The following PTPN4 variants were observed in gnomAD, a reference collection of about 807,000 sequenced individuals.
The protein encoded by PTPN4 is protein tyrosine phosphatase non-receptor type 4.
PTPN4 carries 49 observed loss-of-function variants against 135.5 expected under a neutral mutation model. The observed-to-expected ratio is 0.36, with a 90% CI of 0.29 to 0.46. The LOEUF is 0.46. Ranked by LOEUF, PTPN4 falls within the 20% of genes least tolerant of loss-of-function variation. The probability of loss-of-function intolerance (pLI) is 1.00; values close to 1 mark genes in which losing one functional copy is unlikely to be tolerated. For synonymous variants in PTPN4, 333 were observed against 369.9 expected (o/e 0.90, Z 1.14); for missense variants, 860 against 1,101.0 (o/e 0.78, Z 3.10).
At chr2:119,930,595 T>C (rs1678890122) in intron 13 of PTPN4, among the ~76,000 whole-genome samples, 2 of 152,196 alleles carry the variant, frequency 1.3e-5, no homozygotes, top group African/African-American at 4.8e-5. Flanking sequence ...ATTATTTTAA[T>C]GCTTCCTACT....
At chr2:119,885,323 T>G (rs1442133413) in intron 8 of PTPN4, among the ~76,000 whole-genome samples, 3 of 152,162 alleles carry the variant, frequency 2.0e-5, no homozygotes, top group Non-Finnish European at 4.4e-5. Context: ...CCCAGGCAGA[T>G]TGCTATACAA....
Position 119,941,412 on chromosome 2 carries a change from A to AGAGT in PTPN4, c.1356-3668_1356-3667insAGTG, listed in dbSNP as rs138978342. ...CCTTGATTACTTTTATAGACTTCAG[A>AGAGT]GTGTGTGTGTGTGTGTGTGTGTGTG... On this transcript the variant is annotated intron_variant, in intron 15 of 26. Transcript: ENST00000263708. Among the ~76,000 whole-genome samples, 26 of 148,844 alleles carry AGAGT rather than the reference A, an allele frequency of 1.7e-4. No homozygotes were observed. In the East Asian group the frequency reaches 5.0e-3, roughly 28 times the overall value.
At chr2:119,763,738 A>G (rs943542077) in intron 1 of PTPN4, among the ~76,000 whole-genome samples, 4 of 152,218 alleles carry the variant, frequency 2.6e-5, no homozygotes, top group African/African-American at 7.2e-5. Flanking sequence ...ATGTGTGGCT[A>G]TGGAGCACTT....
At chr2:119,774,973 C>T (rs921842380) in intron 1 of PTPN4, among the ~76,000 whole-genome samples, 5 of 150,870 alleles carry the variant, frequency 3.3e-5, no homozygotes, top group Admixed American at 2.6e-4. Context: ...GCCAATATCG[C>T]GCCACTGCAC....
intron 14 of PTPN4, among the ~76,000 whole-genome samples, chr2:119,933,495 A>G (rs1170514827): frequency 1.3e-5 from 2 of 152,046 alleles, no homozygotes; most frequent in South Asian, 2.1e-4. Context: ...CCTGGTGAAC[A>G]TAGTGAAACC....
chr2:119,853,847 A>C (rs185030243), intron 2 of PTPN4, among the ~76,000 whole-genome samples: 1 of 152,250 alleles, frequency 6.6e-6, no homozygotes, highest in East Asian at 1.9e-4. Context: ...TCTGATGACT[A>C]GAGGAACACC....
At position 119,881,827 on chromosome 2, in the gene PTPN4, G is replaced by C; in HGVS notation, c.410G>C (p.Gly137Ala). ...CAAATTAAACAAGACATTCTTACTGGAAGGTGGGCTCTTTAAATTTCTTAA... is the reference window on the plus strand; with the variant it reads ...CAAATTAAACAAGACATTCTTACTGCAAGGTGGGCTCTTTAAATTTCTTAA... ...FLQIKQDILT[G>A]RLPCPSNTAA... The change falls in exon 6 of 27, where the codon GGA becomes GCA. Residue 137 changes from glycine (G) to alanine (A), a missense_variant. Physicochemically the swap from Gly to Ala is moderately conservative, Grantham distance 60. Transcript: ENST00000263708. The C allele has an allele frequency of 6.4e-7, 1 of 1,559,476 alleles. No individual in the cohort carries two copies. Among genetic ancestry groups the C allele is most frequent in the Non-Finnish European group, 8.8e-7 (1 of 1,140,510 alleles).
At chr2:119,788,088 T>A (rs144798580) in intron 1 of PTPN4, among the ~76,000 whole-genome samples, 2,464 of 152,276 alleles carry the variant, frequency 0.016, 33 homozygotes, top group Non-Finnish European at 0.028. Flanking sequence ...TTGGTTTATT[T>A]AAAAATTTAC....
At chr2:119,962,494 T>C (rs908354232) in intron 23 of PTPN4, 122 bp from the exon 24 acceptor site, 2 of 567,190 alleles carry the variant, frequency 3.5e-6, no homozygotes, top group African/African-American at 4.0e-5. Flanking sequence ...AGATGAAATT[T>C]ATTAAATTTT....
At chr2:119,782,234 T>C (rs1455809314) in intron 1 of PTPN4, among the ~76,000 whole-genome samples, 4 of 151,976 alleles carry the variant, frequency 2.6e-5, no homozygotes, top group Non-Finnish European at 2.9e-5. Flanking sequence ...CTGGCCAACA[T>C]GGTGAAACCC....
intron 13 of PTPN4, among the ~76,000 whole-genome samples, chr2:119,931,974 C>T (rs935716595): frequency 6.6e-6 from 1 of 152,036 alleles, no homozygotes; most frequent in Non-Finnish European, 1.5e-5. Flanking sequence ...TTCATTGAGG[C>T]AGAGGATTGG....
At chr2:119,824,199 G>A (rs1480672708) in intron 2 of PTPN4, among the ~76,000 whole-genome samples, 1 of 152,108 alleles carries the variant, frequency 6.6e-6, no homozygotes, top group Non-Finnish European at 1.5e-5. Context: ...ATTTGATAAG[G>A]TTTGTTTTAA....
chr2:119,783,839 T>C (rs2104930185), intron 1 of PTPN4, among the ~76,000 whole-genome samples: 1 of 152,352 alleles, frequency 6.6e-6, no homozygotes, highest in African/African-American at 2.4e-5. Flanking sequence ...ATTTACAGGA[T>C]CTCTCAGTGA....
chr2:119,964,583 G>GT (rs544375306), intron 24 of PTPN4, among the ~76,000 whole-genome samples: 5 of 151,790 alleles, frequency 3.3e-5, no homozygotes, highest in Non-Finnish European at 5.9e-5. Context: ...GAATTCATTA[G>GT]TTTTTTTTAA....
chr2:119,962,181 G>A (rs944442896), intron 23 of PTPN4, among the ~76,000 whole-genome samples: 9 of 152,104 alleles, frequency 5.9e-5, no homozygotes, highest in Non-Finnish European at 1.3e-4. Context: ...TCGGCTGGGC[G>A]CAGTGGCTCA....
At chr2:119,945,609 ATT>A (rs1679121574) in intron 16 of PTPN4, among the ~76,000 whole-genome samples, 1 of 19,146 alleles carries the variant, frequency 5.2e-5, no homozygotes, top group South Asian at 1.5e-3. Context: ...AATAATAAAA[ATT>A]AAAAATAAAA....
intron 1 of PTPN4, among the ~76,000 whole-genome samples, chr2:119,778,967 T>C (rs188767787): frequency 0.011 from 1,711 of 152,306 alleles, 23 homozygotes; most frequent in Non-Finnish European, 0.016. Context: ...ATTTAAGTTG[T>C]TGCATAATGA....
At chr2:119,859,320 A>G (rs1677725595) in intron 2 of PTPN4, among the ~76,000 whole-genome samples, 1 of 152,186 alleles carries the variant, frequency 6.6e-6, no homozygotes, top group Non-Finnish European at 1.5e-5. Context: ...GATTTTAGGT[A>G]GTATCTCAGA....
intron 5 of PTPN4, among the ~76,000 whole-genome samples, chr2:119,879,610 A>G (rs1402254669): frequency 6.6e-6 from 1 of 152,216 alleles, no homozygotes; most frequent in African/African-American, 2.4e-5. Flanking sequence ...ACCTGAGCAT[A>G]GGCATGCACA....
Sources: allele counts gnomAD v4.1 joint callset (sites outside exome capture counted in the v4.1 genomes callset), GRCh38; gene constraint gnomAD v4.1.1; transcripts MANE v1.5; gene names NCBI Gene and HGNC (gene_info 2026-07-23, HGNC 2026-07-21).